Variants in PTCHD4 observed in about 807,000 individuals in gnomAD.
PTCHD4 encodes the protein patched domain containing 4, also known as patched domain-containing protein 4.
A neutral mutation model predicts 58.1 loss-of-function variants in PTCHD4; 33 were observed. That is an observed-to-expected ratio of 0.57 (90% CI 0.43 to 0.76). The LOEUF is 0.76. Ranked by LOEUF, PTCHD4 falls within the 30% of genes least tolerant of loss-of-function variation. The probability of loss-of-function intolerance (pLI) is 0.00; values close to 1 mark genes in which losing one functional copy is unlikely to be tolerated. For synonymous variants in PTCHD4, 478 were observed against 409.6 expected (o/e 1.17, Z -2.02); for missense variants, 1,058 against 1,027.1 (o/e 1.03, Z -0.41).
chr6:47,985,697 T>A (rs896168445), intron 4 of PTCHD4, among the ~76,000 whole-genome samples: 20 of 152,182 alleles, frequency 1.3e-4, no homozygotes, highest in African/African-American at 4.6e-4. Context: ...TCACTGTTCA[T>A]TTAAGGAAAG....
In PTCHD4 at chr6:47,868,143, C is replaced by T. The variant is rs1322550820; in HGVS notation, c.*10160G>A. ...AGGTTTCAGTTCAGTTGTTTAGTCC[C>T]TTCTTCAACAGTTTTAGATCCGTTT... is the stretch of plus-strand genomic sequence containing the variant. On this transcript the variant is annotated 3_prime_UTR_variant, in exon 5 of 5. Coordinates refer to ENST00000339488, the MANE Select transcript of PTCHD4 (RefSeq NM_001384253.1). 6.6e-6 allele frequency among the ~76,000 whole-genome samples: 1 copy of T among 151,654 alleles called. No individual in the cohort carries two copies. Among genetic ancestry groups the T allele is most frequent in the East Asian group, 1.9e-4 (1 of 5,146 alleles).
chr6:47,894,438 A>G (rs1764469715), intron 4 of PTCHD4, among the ~76,000 whole-genome samples: 1 of 152,226 alleles, frequency 6.6e-6, no homozygotes, highest in Admixed American at 6.5e-5. Context: ...CATCTGTGTT[A>G]CTTCCCAACT....
intron 4 of PTCHD4, among the ~76,000 whole-genome samples, chr6:47,999,223 T>A (rs1040212292): frequency 2.0e-5 from 3 of 152,170 alleles, no homozygotes; most frequent in Non-Finnish European, 2.9e-5. Context: ...GGACAAGACA[T>A]CTAGCAGGTT....
At chr6:47,955,609 G>A (rs1213405735) in intron 4 of PTCHD4, among the ~76,000 whole-genome samples, 2 of 152,196 alleles carry the variant, frequency 1.3e-5, no homozygotes, top group African/African-American at 4.8e-5. Flanking sequence ...AGTGAGTCAT[G>A]AAATCAAATC....
chr6:47,905,855 G>A (rs1228166371), intron 4 of PTCHD4, among the ~76,000 whole-genome samples: 1 of 152,136 alleles, frequency 6.6e-6, no homozygotes, highest in East Asian at 1.9e-4. Context: ...CTACCAGTCG[G>A]CCTATGGCTT....
chr6:47,907,484 C>T (rs1166580304), intron 4 of PTCHD4, among the ~76,000 whole-genome samples: 4 of 152,150 alleles, frequency 2.6e-5, no homozygotes, highest in Admixed American at 2.0e-4. Context: ...AATAGATAGA[C>T]TGACTAAGGA....
Position 47,945,663 on chromosome 6 carries a change from T to C in PTCHD4, c.898+62971A>G, listed in dbSNP as rs566755647. 5.3e-5 allele frequency among the ~76,000 whole-genome samples: 8 copies of C among 152,078 alleles called. No homozygotes were observed. The South Asian group carries it at 1.0e-3, about 20-fold the overall frequency. On this transcript the variant is annotated intron_variant, in intron 4 of 4. Transcript: ENST00000339488. ...GGTTGAATGATGAAGCTGAAGTTTATTTACTTTCATTGATTTTTTTACTAC... is the reference window on the plus strand; with the variant it reads ...GGTTGAATGATGAAGCTGAAGTTTACTTACTTTCATTGATTTTTTTACTAC...
intron 1 of PTCHD4, among the ~76,000 whole-genome samples, chr6:48,107,072 A>T (rs1055499971): frequency 1.3e-5 from 2 of 152,134 alleles, no homozygotes; most frequent in African/African-American, 4.8e-5. Flanking sequence ...GCTACCAATG[A>T]CTTTCTGCAC....
intron 1 of PTCHD4, among the ~76,000 whole-genome samples, chr6:48,072,218 C>G (rs532704065): frequency 6.6e-6 from 1 of 152,258 alleles, no homozygotes; most frequent in South Asian, 2.1e-4. Context: ...ATCTTGTGCA[C>G]AAGATATTTG....
chr6:48,096,827 A>T (rs1174817749), intron 1 of PTCHD4, among the ~76,000 whole-genome samples: 2 of 152,126 alleles, frequency 1.3e-5, no homozygotes, highest in Non-Finnish European at 2.9e-5. Flanking sequence ...ACTAGAATAA[A>T]TATATATTGC....
intron 4 of PTCHD4, among the ~76,000 whole-genome samples, chr6:47,891,505 A>C (rs1407532436): frequency 2.0e-5 from 3 of 152,266 alleles, no homozygotes; most frequent in African/African-American, 7.2e-5. Flanking sequence ...CTTCCTTTCA[A>C]AAGTGGTAGT....
intron 1 of PTCHD4, among the ~76,000 whole-genome samples, chr6:48,108,821 C>T (rs191294306): frequency 2.3e-3 from 348 of 151,316 alleles, no homozygotes; most frequent in African/African-American, 8.1e-3. Context: ...AGAACAACAA[C>T]AACAGAAAGC....
chr6:48,092,366 C>T (rs144123897), intron 1 of PTCHD4, among the ~76,000 whole-genome samples: 1 of 152,244 alleles, frequency 6.6e-6, no homozygotes, highest in East Asian at 1.9e-4. Context: ...TTTTATTTTG[C>T]ATTTAAACAT....
rs60458417 is a variant in PTCHD4, at chr6:47,942,331, C to T, written c.899-62395G>A. On this transcript the variant is annotated intron_variant, in intron 4 of 4. Coordinates refer to ENST00000339488, the MANE Select transcript of PTCHD4 (RefSeq NM_001384253.1). ...AAAGGATAGAACTCTTTAGTTGATGCATTTAAAGAAAAATAATTTTCCTTG... is the reference window on the plus strand; with the variant it reads ...AAAGGATAGAACTCTTTAGTTGATGTATTTAAAGAAAAATAATTTTCCTTG... Among the ~76,000 whole-genome samples the T allele has an allele frequency of 7.3e-3, 1,116 of 152,214 alleles. 10 individuals carry two copies. Among genetic ancestry groups the T allele is most frequent in the African/African-American group, 0.026 (1,071 of 41,522 alleles).
At chr6:48,007,819 A>C (rs1036125770) in intron 4 of PTCHD4, among the ~76,000 whole-genome samples, 1 of 152,202 alleles carries the variant, frequency 6.6e-6, no homozygotes, top group Non-Finnish European at 1.5e-5. Flanking sequence ...TTGCTGAACC[A>C]ACAGCTATCA....
intron 4 of PTCHD4, among the ~76,000 whole-genome samples, chr6:47,917,370 A>C (rs750807450): frequency 6.6e-6 from 1 of 152,114 alleles, no homozygotes; most frequent in Non-Finnish European, 1.5e-5. Flanking sequence ...ACACAGTCTA[A>C]ATAACAAAAG....
At chr6:48,063,800 C>A (rs1764708319) in intron 3 of PTCHD4, among the ~76,000 whole-genome samples, 1 of 152,076 alleles carries the variant, frequency 6.6e-6, no homozygotes, top group Non-Finnish European at 1.5e-5. Context: ...GACATGTATA[C>A]CTTATACGGT....
At chr6:48,045,441 A>T (rs1324787247) in intron 3 of PTCHD4, among the ~76,000 whole-genome samples, 1 of 151,698 alleles carries the variant, frequency 6.6e-6, no homozygotes, top group African/African-American at 2.4e-5. Context: ...AAGATGGCTC[A>T]TTTTCATTCT....
intron 3 of PTCHD4, among the ~76,000 whole-genome samples, chr6:48,062,996 C>A (rs2113871449): frequency 6.6e-6 from 1 of 152,250 alleles, no homozygotes; most frequent in East Asian, 1.9e-4. Context: ...AGAGTTCTAA[C>A]CAGTACAGAA....
Sources: allele counts gnomAD v4.1 joint callset (sites outside exome capture counted in the v4.1 genomes callset), GRCh38; gene constraint gnomAD v4.1.1; transcripts MANE v1.5; gene names NCBI Gene and HGNC (gene_info 2026-07-23, HGNC 2026-07-21).